Variants in RPTOR observed in about 807,000 individuals in gnomAD.
The protein encoded by RPTOR is regulatory-associated protein of mTOR.
RPTOR carries 21 observed loss-of-function variants against 169.9 expected under a neutral mutation model. That is an observed-to-expected ratio of 0.12 (90% CI 0.09 to 0.18). RPTOR has a LOEUF of 0.18. RPTOR is among the 10% of genes least tolerant of loss of function. The probability of loss-of-function intolerance (pLI) is 1.00; values close to 1 mark genes in which losing one functional copy is unlikely to be tolerated. For missense variants in RPTOR, 1,133 were observed against 1,855.9 expected, an observed-to-expected ratio of 0.61 and a Z score of 7.16; for synonymous variants, 732 against 753.2, an observed-to-expected ratio of 0.97 and a Z score of 0.46.
At chr17:80,658,417 T>C (rs2143640608) in intron 3 of RPTOR, among the ~76,000 whole-genome samples, 2 of 152,338 alleles carry the variant, frequency 1.3e-5, no homozygotes, top group Middle Eastern at 3.4e-3. Flanking sequence ...AAGGTGTTTT[T>C]CCCTTCATCT....
chr17:80,936,891 G>T lies in RPTOR; in HGVS notation c.2920-3605G>T, dbSNP rs1051683024. 6.6e-6 allele frequency among the ~76,000 whole-genome samples: 1 copy of T among 152,204 alleles called. No homozygotes were observed. ...CCCCTCCACAGCTTGGCGATTTGTGGTAACACAAAGGCTGTGTCCTTGGAC... is the reference window on the plus strand; with the variant it reads ...CCCCTCCACAGCTTGGCGATTTGTGTTAACACAAAGGCTGTGTCCTTGGAC... On this transcript the variant is annotated intron_variant, in intron 24 of 33. Transcript: ENST00000306801. This position sits in a 1 kb window ranked among gnomAD's most constrained non-coding sequence, Gnocchi z 4.1.
At chr17:80,877,418 CAG>C in intron 13 of RPTOR, among the ~76,000 whole-genome samples, 1 of 152,330 alleles carries the variant, frequency 6.6e-6, no homozygotes, top group East Asian at 1.9e-4. Context: ...ATGACCGTAT[CAG>C]AACAGACATC....
intron 32 of RPTOR, 74 bp from the exon 33 acceptor site, chr17:80,962,854 G>A: frequency 6.3e-7 from 1 of 1,598,230 alleles, no homozygotes; most frequent in Non-Finnish European, 8.5e-7. Flanking sequence ...TGTCCCCGCG[G>A]TCTCGGCATC....
chr17:80,834,174 C>T (rs1313521080), intron 9 of RPTOR, among the ~76,000 whole-genome samples: 1 of 152,230 alleles, frequency 6.6e-6, no homozygotes, highest in Non-Finnish European at 1.5e-5. Flanking sequence ...CTGCCTTGCT[C>T]TGAGTGGGGC....
At chr17:80,643,065 C>T (rs1283345040) in intron 2 of RPTOR, among the ~76,000 whole-genome samples, 1 of 152,140 alleles carries the variant, frequency 6.6e-6, no homozygotes, top group Admixed American at 6.6e-5. Flanking sequence ...AGCTGAATTT[C>T]ACATAGAGTA....
At position 80,846,816 on chromosome 17, in the gene RPTOR, A is replaced by G. The variant is rs1458537626; in HGVS notation, c.1314+242A>G. Reference sequence around the variant, plus strand: ...TTCCTAAAGGGTTTCCTCTAAAGCCATTGATTTCCCTCCTCCACCCTCAGA... The same window carrying G: ...TTCCTAAAGGGTTTCCTCTAAAGCCGTTGATTTCCCTCCTCCACCCTCAGA... On this transcript the variant is annotated intron_variant, in intron 11 of 33. Transcript: ENST00000306801. Among the ~76,000 whole-genome samples the G allele has an allele frequency of 2.0e-5, 3 of 152,238 alleles. No individual in the cohort carries two copies. The East Asian group carries it at 5.8e-4, about 29-fold the overall frequency.
rs996811481 is a variant in RPTOR at position 80,754,040 on chromosome 17, G to C, written c.685G>C (p.Ala229Pro). 6.2e-7 allele frequency: 1 copy of C among 1,613,946 alleles called. No homozygotes were observed. Among genetic ancestry groups the C allele is most frequent in the Non-Finnish European group, 8.5e-7 (1 of 1,180,010 alleles). Residue 229 changes from alanine to proline, a missense_variant, in exon 6 of 34, where the codon GCT (alanine) becomes CCT (proline). Physicochemically the swap from Ala to Pro is conservative, Grantham distance 27 (BLOSUM62 -1). Around this residue, in one of 9 missense-constraint regions of RPTOR, gnomAD observed 289 missense variants for 585.8 expected, o/e 0.49. Coordinates refer to ENST00000306801, the MANE Select transcript of RPTOR (RefSeq NM_020761.3). This position sits in a 1 kb window ranked among gnomAD's most constrained non-coding sequence, Gnocchi z 4.2. Reference sequence around the variant, plus strand: ...TGCAATCAACCCAAATCACCCTCTTGCTCAGATGCCTTTGCCTCCGTCGAT... The same window carrying C: ...TGCAATCAACCCAAATCACCCTCTTCCTCAGATGCCTTTGCCTCCGTCGAT... ...VAAINPNHPL[A>P]QMPLPPSMKN...
At chr17:80,873,018 G>A (rs959908946) in intron 13 of RPTOR, among the ~76,000 whole-genome samples, 4 of 152,186 alleles carry the variant, frequency 2.6e-5, no homozygotes, top group African/African-American at 7.2e-5. Flanking sequence ...CCCCCAGCCT[G>A]ACTTCTCCCT....
chr17:80,847,921 T>C (rs1846871427), intron 11 of RPTOR, among the ~76,000 whole-genome samples: 1 of 152,252 alleles, frequency 6.6e-6, no homozygotes, highest in African/African-American at 2.4e-5. Flanking sequence ...AGTTTATCTC[T>C]GTCACGGCCA....
chr17:80,700,632 CGAT>C (rs1423928103), intron 3 of RPTOR, among the ~76,000 whole-genome samples: 249 of 6,992 alleles, frequency 0.036, 1 homozygote, highest in African/African-American at 0.11. Context: ...GTGGTGGCGG[CGAT>C]GATGGTGGTG....
chr17:80,862,263 A>G (rs1267470862), intron 13 of RPTOR, among the ~76,000 whole-genome samples: 4 of 152,156 alleles, frequency 2.6e-5, no homozygotes, highest in Non-Finnish European at 4.4e-5. Context: ...TTTAAAAGCA[A>G]TCATTCCACT....
rs762328268 is a variant in RPTOR, at chr17:80,823,030, C to G, written c.992-49C>G. 2.5e-6 allele frequency: 4 copies of G among 1,575,588 alleles called. No homozygotes were observed. The East Asian group carries it at 6.8e-5, about 27-fold the overall frequency. ...GAATTTGTGTATTTGGCTTTAAATG[C>G]TAGACACAAGTCACTGTAGACTCCT... On this transcript the variant is annotated intron_variant, in intron 8 of 33. Transcript: ENST00000306801. This position sits in a 1 kb window ranked among gnomAD's most constrained non-coding sequence, Gnocchi z 4.5.
chr17:80,920,230 C>T (rs1359288681), intron 21 of RPTOR, among the ~76,000 whole-genome samples: 1 of 152,208 alleles, frequency 6.6e-6, no homozygotes, highest in Non-Finnish European at 1.5e-5. Flanking sequence ...CTGAGGGACA[C>T]GCTACTCATG....
intron 6 of RPTOR, among the ~76,000 whole-genome samples, chr17:80,773,206 C>T (rs773559517): frequency 1.3e-5 from 2 of 152,206 alleles, no homozygotes; most frequent in African/African-American, 2.4e-5. Context: ...GGTGGGCAGG[C>T]GCTGTTGATG....
chr17:80,681,503 A>G (rs955773075), intron 3 of RPTOR, among the ~76,000 whole-genome samples: 11 of 152,100 alleles, frequency 7.2e-5, no homozygotes, highest in African/African-American at 2.7e-4. Context: ...CGGGGAGTGT[A>G]GGGAAGGCCG....
At chr17:80,627,039 T>G (rs2065401126) in intron 2 of RPTOR, among the ~76,000 whole-genome samples, 1 of 152,190 alleles carries the variant, frequency 6.6e-6, no homozygotes, top group Non-Finnish European at 1.5e-5. Flanking sequence ...ATCAGTAGAC[T>G]GATATTTGTC....
intron 2 of RPTOR, among the ~76,000 whole-genome samples, chr17:80,627,288 G>A (rs1157351260): frequency 1.3e-5 from 2 of 152,192 alleles, no homozygotes; most frequent in Non-Finnish European, 2.9e-5. Context: ...CCAAAGTGCT[G>A]GGATTACAGG....
intron 7 of RPTOR, 22 bp downstream of exon 7, chr17:80,791,531 T>C (rs2067048895): frequency 1.9e-6 from 3 of 1,609,728 alleles, no homozygotes; most frequent in Non-Finnish European, 2.5e-6. Flanking sequence ...TTTTAAGCTC[T>C]TGTGGCTCTC....
intron 1 of RPTOR, among the ~76,000 whole-genome samples, chr17:80,580,213 TC>T (rs1236590696): frequency 1.4e-5 from 2 of 145,042 alleles, no homozygotes; most frequent in Non-Finnish European, 3.1e-5. Context: ...ATATTATAAC[TC>T]ATGTTATGAT....
Sources: gnomAD v4.1 joint callset for allele counts (sites outside exome capture counted in the v4.1 genomes callset) on GRCh38, gnomAD v4.1.1 for gene constraint, gnomAD v4.1.1 regional missense constraint, Gnocchi (gnomAD v3.1) non-coding constraint, MANE v1.5 for transcripts, NCBI Gene and HGNC (gene_info 2026-07-23, HGNC 2026-07-21) for gene names.